Variants in UBXN7 observed in about 807,000 individuals in gnomAD.
UBXN7 encodes the protein UBX domain-containing protein 7.
A neutral mutation model predicts 58.0 loss-of-function variants in UBXN7; 9 were observed. The observed-to-expected ratio is 0.16, with a 90% CI of 0.09 to 0.27. The LOEUF is 0.27. UBXN7 is among the 10% of genes least tolerant of loss of function. UBXN7 has a pLI of 1.00. For synonymous variants in UBXN7, 208 were observed against 205.0 expected (o/e 1.01, Z -0.12); for missense variants, 328 against 599.6 (o/e 0.55, Z 4.73).
At chr3:196,382,262 G>A (rs1325416387) in intron 5 of UBXN7, among the ~76,000 whole-genome samples, 4 of 152,208 alleles carry the variant, frequency 2.6e-5, no homozygotes, top group Non-Finnish European at 5.9e-5. Flanking sequence ...TACCCACAAA[G>A]GGAAGCCCAT....
chr3:196,363,887 C>T (rs1203813239), intron 8 of UBXN7, among the ~76,000 whole-genome samples: 1 of 150,674 alleles, frequency 6.6e-6, no homozygotes. Flanking sequence ...TGCGCCACTG[C>T]ACCCCAGCCT....
chr3:196,389,881 A>T (rs1433915588), intron 5 of UBXN7, among the ~76,000 whole-genome samples: 2 of 152,226 alleles, frequency 1.3e-5, no homozygotes, highest in South Asian at 2.1e-4. Context: ...ATTTAAAAAA[A>T]AATAATCATA....
At chr3:196,410,649 C>A (rs955722138) in intron 1 of UBXN7, among the ~76,000 whole-genome samples, 7 of 152,076 alleles carry the variant, frequency 4.6e-5, no homozygotes, top group African/African-American at 1.7e-4. Context: ...TGGTGAAACC[C>A]CATCTCTACT....
rs118077962 is a variant in UBXN7, at chr3:196,389,207, T to C, written c.468+2606A>G. On this transcript the variant is annotated intron_variant, in intron 5 of 10. Transcript: ENST00000296328. Reference sequence around the variant, plus strand: ...ATATTGCTGCTATTCTCTCTCTCAATGGCTGTAGTATCACCAGAATACTAG... The same window carrying C: ...ATATTGCTGCTATTCTCTCTCTCAACGGCTGTAGTATCACCAGAATACTAG... Among the ~76,000 whole-genome samples the C allele has an allele frequency of 4.3e-3, 649 of 152,258 alleles. 20 individuals are homozygous for C. The South Asian group carries it at 0.074, about 17-fold the overall frequency.
At chr3:196,425,468 A>C (rs1031752018) in intron 1 of UBXN7, among the ~76,000 whole-genome samples, 1 of 151,752 alleles carries the variant, frequency 6.6e-6, no homozygotes, top group African/African-American at 2.4e-5. Context: ...GGGTCTCACT[A>C]TGTTGCCTAG....
intron 1 of UBXN7, chr3:196,423,377 T>A: frequency 4.6e-6 from 1 of 218,772 alleles, no homozygotes; most frequent in Middle Eastern, 1.3e-3. Flanking sequence ...ATGTGGACAG[T>A]GCCTGTGTGG....
At chr3:196,421,620 AC>A (rs1730689290) in intron 1 of UBXN7, among the ~76,000 whole-genome samples, 1 of 151,838 alleles carries the variant, frequency 6.6e-6, no homozygotes, top group African/African-American at 2.4e-5. Context: ...TAGTAAAAAT[AC>A]AAAAAATTAG....
intron 2 of UBXN7, among the ~76,000 whole-genome samples, chr3:196,405,152 T>C (rs1730121991): frequency 6.6e-6 from 1 of 151,926 alleles, no homozygotes; most frequent in Non-Finnish European, 1.5e-5. Context: ...AGAGCAAGAC[T>C]GTGTTTTTAA....
Position 196,363,053 on chromosome 3 carries a change from C to T in UBXN7, c.835-366G>A, listed in dbSNP as rs181868374. The stretch of plus-strand genomic sequence containing the variant: ...CCAAGTAGCTGGGATTACAAGCGCC[C>T]GCCACCACGCCCAGCTAATTTTTAT... On this transcript the variant is annotated intron_variant, in intron 8 of 10. Transcript: ENST00000296328. 5.0e-3 allele frequency among the ~76,000 whole-genome samples: 765 copies of T among 151,706 alleles called. 7 individuals carry two copies. Among genetic ancestry groups the T allele is most frequent in the African/African-American group, 0.017 (723 of 41,362 alleles).
intron 1 of UBXN7, among the ~76,000 whole-genome samples, chr3:196,424,650 T>G (rs1249022898): frequency 6.6e-6 from 1 of 151,596 alleles, no homozygotes; most frequent in Admixed American, 6.6e-5. Flanking sequence ...CATTCCAAAG[T>G]GCTGGGATTA....
chr3:196,390,984 T>C (rs1466840007), intron 5 of UBXN7, among the ~76,000 whole-genome samples: 2 of 152,184 alleles, frequency 1.3e-5, no homozygotes, highest in Non-Finnish European at 2.9e-5. Context: ...GTCTGTAAGT[T>C]AGCATACAAC....
At chr3:196,373,287 G>A (rs1262023869) in intron 5 of UBXN7, among the ~76,000 whole-genome samples, 1 of 152,188 alleles carries the variant, frequency 6.6e-6, no homozygotes, top group East Asian at 1.9e-4. Flanking sequence ...GAATGTTTGA[G>A]AATGATCCCC....
At chr3:196,374,480 A>G (rs1311095565) in intron 5 of UBXN7, among the ~76,000 whole-genome samples, 2 of 152,176 alleles carry the variant, frequency 1.3e-5, no homozygotes, top group Admixed American at 6.6e-5. Context: ...AAACTTGGAA[A>G]TGATACTAAC....
intron 1 of UBXN7, among the ~76,000 whole-genome samples, chr3:196,408,196 T>C (rs1005966169): frequency 6.6e-6 from 1 of 151,570 alleles, no homozygotes; most frequent in Non-Finnish European, 1.5e-5. Context: ...CAAAATCTGG[T>C]AAGAAATGTC....
intron 3 of UBXN7, among the ~76,000 whole-genome samples, chr3:196,399,119 C>G (rs1190825503): frequency 1.3e-5 from 2 of 152,184 alleles, no homozygotes; most frequent in Non-Finnish European, 2.9e-5. Flanking sequence ...GCTCGCTACT[C>G]TAACAATCAC....
At chr3:196,416,563 T>C (rs1372718826) in intron 1 of UBXN7, among the ~76,000 whole-genome samples, 1 of 152,130 alleles carries the variant, frequency 6.6e-6, no homozygotes, top group African/African-American at 2.4e-5. Context: ...ATTTAGAGAA[T>C]TTGTGGGTTC....
chr3:196,424,346 C>T (rs1266673811), intron 1 of UBXN7, among the ~76,000 whole-genome samples: 4 of 151,158 alleles, frequency 2.6e-5, no homozygotes, highest in African/African-American at 9.7e-5. Context: ...CCACACTACA[C>T]TCCCTCCTGC....
At chr3:196,359,894 A>C (rs550457116) in intron 10 of UBXN7, among the ~76,000 whole-genome samples, 1 of 151,968 alleles carries the variant, frequency 6.6e-6, no homozygotes, top group East Asian at 1.9e-4. Flanking sequence ...TGACAGAGCA[A>C]GACTCTGTCT....
chr3:196,366,217 A>C, intron 8 of UBXN7, among the ~76,000 whole-genome samples: 1 of 152,166 alleles, frequency 6.6e-6, no homozygotes, highest in East Asian at 1.9e-4. Context: ...CACATCTTCT[A>C]AAACTATTTT....
Sources: allele counts gnomAD v4.1 joint callset (sites outside exome capture counted in the v4.1 genomes callset), GRCh38; gene constraint gnomAD v4.1.1; transcripts MANE v1.5; gene names NCBI Gene and HGNC (gene_info 2026-07-23, HGNC 2026-07-21).